USP34: variants seen among roughly 807,000 people sequenced by gnomAD.
USP34 encodes the protein ubiquitin carboxyl-terminal hydrolase 34.
A neutral mutation model predicts 460.3 loss-of-function variants in USP34; 70 were observed. The ratio of observed to expected loss-of-function variants is 0.15; its 90% CI spans 0.13 to 0.19. The LOEUF (loss-of-function observed/expected upper bound fraction) is 0.19. USP34 is among the 10% of genes least tolerant of loss of function. USP34 has a pLI of 1.00. For missense variants in USP34, 3,985 were observed against 4,236.2 expected (o/e 0.94, Z 1.65); for synonymous variants, 1,647 against 1,405.3 (o/e 1.17, Z -3.85).
At chr2:61,396,779 C>G (rs1226448238) in intron 3 of USP34, among the ~76,000 whole-genome samples, 1 of 152,088 alleles carries the variant, frequency 6.6e-6, no homozygotes, top group African/African-American at 2.4e-5. Context: ...TGAGCCACCT[C>G]GCCCAGTCCT....
intron 7 of USP34, among the ~76,000 whole-genome samples, chr2:61,379,577 G>A (rs1275250882): frequency 1.3e-5 from 2 of 152,106 alleles, no homozygotes; most frequent in African/African-American, 4.8e-5. Context: ...AGCAAATGGG[G>A]ACTGCAACAA....
chr2:61,199,668 A>C (rs901276749), intron 75 of USP34, among the ~76,000 whole-genome samples: 1 of 151,974 alleles, frequency 6.6e-6, no homozygotes, highest in Non-Finnish European at 1.5e-5. Context: ...ATTTCCCACC[A>C]ATTTCCCACC....
intron 5 of USP34, among the ~76,000 whole-genome samples, chr2:61,388,552 C>T (rs1693240235): frequency 2.0e-5 from 3 of 150,918 alleles, no homozygotes; most frequent in Admixed American, 1.3e-4. Context: ...GTCAGGAGAT[C>T]GAGACCATCC....
chr2:61,438,362 C>T (rs1436710185), intron 1 of USP34, among the ~76,000 whole-genome samples: 1 of 152,052 alleles, frequency 6.6e-6, no homozygotes, highest in African/African-American at 2.4e-5. Flanking sequence ...CCTGTAATCC[C>T]AGCACTTTGG....
intron 1 of USP34, among the ~76,000 whole-genome samples, chr2:61,470,189 GAGTT>G (rs1293467817): frequency 9.9e-5 from 15 of 152,154 alleles, no homozygotes; most frequent in Non-Finnish European, 2.1e-4. Context: ...CTGCTCCCGG[GAGTT>G]TAATGAAAAT....
intron 25 of USP34, among the ~76,000 whole-genome samples, chr2:61,312,529 C>T (rs946615270): frequency 6.7e-6 from 1 of 149,624 alleles, no homozygotes; most frequent in African/African-American, 2.5e-5. Context: ...AAAAAAAAGT[C>T]TAAAACTAAT....
At chr2:61,452,998 A>T (rs1331102707) in intron 1 of USP34, among the ~76,000 whole-genome samples, 1 of 152,066 alleles carries the variant, frequency 6.6e-6, no homozygotes, top group Non-Finnish European at 1.5e-5. Flanking sequence ...CCTATCATAC[A>T]GATTCTTAAA....
intron 1 of USP34, among the ~76,000 whole-genome samples, chr2:61,462,592 G>A (rs1056294182): frequency 1.3e-5 from 2 of 150,926 alleles, no homozygotes; most frequent in Admixed American, 1.3e-4. Context: ...GGACAAAGTA[G>A]CTCACACCCT....
chr2:61,237,817 C>G (rs1688114099), intron 53 of USP34, among the ~76,000 whole-genome samples: 3 of 151,456 alleles, frequency 2.0e-5, no homozygotes, highest in Admixed American at 1.3e-4. Flanking sequence ...GTCAAGCAAT[C>G]CACCTACTTC....
At chr2:61,418,851 T>C (rs1043392998) in intron 2 of USP34, among the ~76,000 whole-genome samples, 3 of 152,226 alleles carry the variant, frequency 2.0e-5, no homozygotes, top group African/African-American at 7.2e-5. Flanking sequence ...CTAACAACTG[T>C]TCATACTTAC....
intron 15 of USP34, among the ~76,000 whole-genome samples, chr2:61,347,487 C>T (rs1691807337): frequency 1.3e-5 from 2 of 152,164 alleles, no homozygotes; most frequent in Admixed American, 6.5e-5. Flanking sequence ...GATTCTCCTG[C>T]CTCAGCCTCC....
chr2:61,290,711 G>T (rs916837960), intron 33 of USP34, among the ~76,000 whole-genome samples: 1 of 152,034 alleles, frequency 6.6e-6, no homozygotes, highest in East Asian at 1.9e-4. Context: ...ATGTTAGAGC[G>T]TTACATAAAC....
intron 75 of USP34, 121 bp from the exon 76 acceptor site, chr2:61,193,101 A>C (rs1686688239): frequency 1.3e-6 from 1 of 756,206 alleles, no homozygotes; most frequent in African/African-American, 1.8e-5. Context: ...TCTATATTTT[A>C]AAGTACATAA....
At position 61,281,146 on chromosome 2, in the gene USP34, C is replaced by T. The variant is rs1260372032; in HGVS notation, c.5095G>A (p.Ala1699Thr). ...AGAAATTTCAATAATGTTGAGGCAG[C>T]CAATAGCAGAAAAGAACGATTGATT... is the stretch of plus-strand genomic sequence containing the variant. Reference protein sequence around the residue: ...DSINRSFLLLAASTLLKFLPD... With the variant: ...DSINRSFLLLTASTLLKFLPD... Residue 1699 changes from alanine to threonine, a missense_variant, in exon 38 of 80, where the codon GCT (alanine) becomes ACT (threonine). By Grantham distance (58) the Ala-to-Thr change is moderately conservative. Transcript: ENST00000398571. 35 of 1,613,812 alleles carry T rather than the reference C, an allele frequency of 2.2e-5. No individual in the cohort carries two copies. Among genetic ancestry groups the T allele is most frequent in the Non-Finnish European group, 2.9e-5 (34 of 1,179,866 alleles).
In USP34 at chr2:61,384,147, GTACT is replaced by G. The variant is rs761323780; in HGVS notation, c.754-815_754-812del. ...CACACACTGATTACAATATCAACAA[GTACT>G]TACTAAGTTTACTATAAGTAACTTA... On this transcript the variant is annotated intron_variant, in intron 5 of 79. Transcript: ENST00000398571. 4.6e-5 allele frequency among the ~76,000 whole-genome samples: 7 copies of G among 152,072 alleles called. No homozygotes were observed. In the South Asian group the frequency reaches 1.2e-3, roughly 27 times the overall value.
intron 21 of USP34, 140 bp from the exon 22 acceptor site, chr2:61,319,467 A>G (rs1344313440): frequency 1.1e-5 from 5 of 457,630 alleles, no homozygotes; most frequent in Admixed American, 4.2e-5. Context: ...GAAATGATGC[A>G]TAATGAAACT....
chr2:61,350,142 C>A, intron 12 of USP34, 118 bp downstream of exon 12: 5 of 1,147,362 alleles, frequency 4.4e-6, no homozygotes, highest in Non-Finnish European at 6.0e-6. Context: ...ATGCACTCTT[C>A]TACCCATCCC....
chr2:61,359,069 CT>C (rs1394559413), intron 10 of USP34, among the ~76,000 whole-genome samples: 1 of 152,068 alleles, frequency 6.6e-6, no homozygotes, highest in Non-Finnish European at 1.5e-5. Context: ...AATATCTATT[CT>C]TTTTTACAAA....
chr2:61,353,430 C>T (rs1440545032), intron 10 of USP34, among the ~76,000 whole-genome samples: 6 of 146,360 alleles, frequency 4.1e-5, no homozygotes, highest in Middle Eastern at 3.5e-3. Flanking sequence ...CTTGCTCTGT[C>T]ACCCAGGCTG....
Sources: gnomAD v4.1 joint callset for allele counts (sites outside exome capture counted in the v4.1 genomes callset) on GRCh38, gnomAD v4.1.1 for gene constraint, MANE v1.5 for transcripts, NCBI Gene and HGNC (gene_info 2026-07-23, HGNC 2026-07-21) for gene names.